N4BP2L2: variants seen among roughly 807,000 people sequenced by gnomAD.
N4BP2L2 encodes NEDD4 binding protein 2 like 2, also known as NEDD4-binding protein 2-like 2.
A neutral mutation model predicts 56.2 loss-of-function variants in N4BP2L2; 50 were observed. The ratio of observed to expected loss-of-function variants is 0.89; its 90% confidence interval spans 0.71 to 1.13. The LOEUF (loss-of-function observed/expected upper bound fraction) is 1.13, where lower values mean the gene tolerates loss of function less well. N4BP2L2 is among the 50% of genes most tolerant of loss of function. The probability of loss-of-function intolerance (pLI) is 0.00; values close to 1 mark genes in which losing one functional copy is unlikely to be tolerated. For missense variants in N4BP2L2, 689 were observed against 693.8 expected, an observed-to-expected ratio of 0.99 and a Z score of 0.08; for synonymous variants, 203 against 223.6, an observed-to-expected ratio of 0.91 and a Z score of 0.82.
chr13:32,527,492 T>C (rs745433183), exon 3 of N4BP2L2: 2 of 1,613,766 alleles, frequency 1.2e-6, no homozygotes, highest in East Asian at 2.2e-5. Flanking sequence ...TAGTCATCAG[T>C]GCTGAACACA....
chr13:32,492,962 G>A (rs1167737811), intron 6 of N4BP2L2, among the ~76,000 whole-genome samples: 6 of 123,762 alleles, frequency 4.8e-5, no homozygotes, highest in Admixed American at 3.0e-4. Flanking sequence ...TCACTCTGTC[G>A]CCCAGGATGC....
intron 6 of N4BP2L2, among the ~76,000 whole-genome samples, chr13:32,491,125 C>G (rs1415603035): frequency 2.0e-5 from 3 of 152,036 alleles, no homozygotes; most frequent in South Asian, 2.1e-4. Flanking sequence ...CAGAGAAAAT[C>G]CATAGTTCTG....
chr13:32,517,880 A>G (rs778017825), exon 6 of N4BP2L2: 2 of 1,614,090 alleles, frequency 1.2e-6, no homozygotes, highest in East Asian at 4.5e-5. Context: ...GTGGAGGAGG[A>G]GGTCTTTGTG....
intron 6 of N4BP2L2, among the ~76,000 whole-genome samples, chr13:32,488,947 C>T (rs891511807): frequency 1.3e-5 from 2 of 152,150 alleles, no homozygotes; most frequent in Non-Finnish European, 2.9e-5. Flanking sequence ...GTGGCACACA[C>T]CTGCAATCTC....
At chr13:32,439,854 TCCAAAAAAAA>T (rs1359916273) in intron 7 of N4BP2L2, among the ~76,000 whole-genome samples, 1 of 43,470 alleles carries the variant, frequency 2.3e-5, no homozygotes, top group Non-Finnish European at 6.5e-5. Context: ...CTATTAAGAA[TCCAAAAAAAA>T]AAAAAAAAAA....
chr13:32,526,790 A>C (rs1440795086), intron 3 of N4BP2L2: 1 of 135,962 alleles, frequency 7.4e-6, no homozygotes, highest in Non-Finnish European at 1.6e-5. Flanking sequence ...AAAATATCTA[A>C]GGCTGAGGCC....
intron 6 of N4BP2L2, among the ~76,000 whole-genome samples, chr13:32,482,530 G>C (rs76355937): frequency 7.7e-6 from 1 of 129,680 alleles, no homozygotes; most frequent in Non-Finnish European, 1.7e-5. Context: ...TTTTTTTTTT[G>C]TATTTTTGTA....
At chr13:32,517,919 C>A in exon 6 of N4BP2L2, 1 of 1,614,106 alleles carries the variant, frequency 6.2e-7, no homozygotes, top group South Asian at 1.1e-5. Context: ...CCACTGAATT[C>A]ATTACAATAG....
intron 6 of N4BP2L2, among the ~76,000 whole-genome samples, chr13:32,454,741 C>A (rs956886006): frequency 6.6e-6 from 1 of 152,146 alleles, no homozygotes; most frequent in African/African-American, 2.4e-5. Flanking sequence ...CTAGAGGCAT[C>A]CAGCACTCAC....
chr13:32,500,865 CT>C (rs368419149), intron 6 of N4BP2L2, among the ~76,000 whole-genome samples: 75 of 127,392 alleles, frequency 5.9e-4, no homozygotes, highest in African/African-American at 7.3e-4. Context: ...TTAGTCTTTT[CT>C]TTTTTTTTTT....
chr13:32,450,933 C>G (rs980603749), intron 6 of N4BP2L2, among the ~76,000 whole-genome samples: 1 of 134,038 alleles, frequency 7.5e-6, no homozygotes, highest in Non-Finnish European at 1.6e-5. Context: ...CCAGGCTGGT[C>G]TCGAACTCCT....
exon 6 of N4BP2L2, chr13:32,517,964 C>T (rs779994962): frequency 5.0e-6 from 8 of 1,613,804 alleles, no homozygotes; most frequent in Admixed American, 1.7e-5. Flanking sequence ...GATCCAACAT[C>T]TGAGCAATCT....
rs75811892 is a variant in N4BP2L2 at position 32,518,843 on chromosome 13, A to T, written c.1551-840T>A. ...TTAAGTTATATATTTATATTTATGT[A>T]CTTTTCTGTATGTGAGGTTATATGA... On this transcript the variant is annotated intron_variant, in intron 5 of 5. Transcript: ENST00000267068. Among the ~76,000 whole-genome samples, 1,109 of 152,250 alleles carry T rather than the reference A, an allele frequency of 7.3e-3. 16 individuals are homozygous for T. Among genetic ancestry groups the T allele is most frequent in the African/African-American group, 0.026 (1,076 of 41,522 alleles).
chr13:32,536,817 T>C (rs775601620), exon 2 of N4BP2L2: 4 of 1,614,052 alleles, frequency 2.5e-6, no homozygotes, highest in Non-Finnish European at 3.4e-6. Context: ...TTGATTTTGT[T>C]CTCCTGCAAA....
At chr13:32,491,893 G>C (rs1272292149) in intron 6 of N4BP2L2, among the ~76,000 whole-genome samples, 1 of 152,010 alleles carries the variant, frequency 6.6e-6, no homozygotes, top group Non-Finnish European at 1.5e-5. Context: ...GCGTCCCAAA[G>C]TGCTGGGATT....
chr13:32,536,879 G>C lies in N4BP2L2; in HGVS notation c.149C>G (p.Thr50Ser), dbSNP rs1037350068. The change falls in exon 2 of 6, where the codon ACT becomes AGT. Residue 50 changes from threonine (T) to serine (S), a missense_variant. Transcript: ENST00000267068. ...GGTCACAGGGACCCAATCATTTCCA[G>C]TTTTCTCTTGGATTCTGTGAAAATC... 1.9e-6 allele frequency: 3 copies of C among 1,613,648 alleles called. No homozygotes were observed. The African/African-American group carries it at 4.0e-5, about 22-fold the overall frequency.
intron 6 of N4BP2L2, among the ~76,000 whole-genome samples, chr13:32,466,174 A>C (rs933460506): frequency 6.6e-6 from 1 of 152,222 alleles, no homozygotes; most frequent in Non-Finnish European, 1.5e-5. Context: ...TAAGCAAATT[A>C]TACTATGTTC....
intron 6 of N4BP2L2, among the ~76,000 whole-genome samples, chr13:32,502,537 TA>T (rs1226386900): frequency 6.6e-6 from 1 of 152,194 alleles, no homozygotes; most frequent in Non-Finnish European, 1.5e-5. Context: ...AACTCTAAAA[TA>T]TTCATCTTGC....
Position 32,443,169 on chromosome 13 carries a change from CAT to C in N4BP2L2, c.1321_1322del (p.Met441GlyfsTer29). Reference sequence around the variant, plus strand: ...AGAGGTTTGTTTCTATGAATGAATCCATAGTTTCAGGTGGAGGTGAAAAATCT... The same window carrying C: ...AGAGGTTTGTTTCTATGAATGAATCCAGTTTCAGGTGGAGGTGAAAAATCT... On this transcript the variant is annotated frameshift_variant, in exon 7 of 10. Transcript: ENST00000357505. LOFTEE classifies it high-confidence loss of function. The C allele has an allele frequency of 1.9e-6, 3 of 1,613,832 alleles. No individual in the cohort carries two copies. Among genetic ancestry groups the C allele is most frequent in the South Asian group, 1.1e-5 (1 of 91,062 alleles).
Sources: allele counts gnomAD v4.1 joint callset (sites outside exome capture counted in the v4.1 genomes callset), GRCh38; gene constraint gnomAD v4.1.1; transcripts MANE v1.5; gene names NCBI Gene and HGNC (gene_info 2026-07-23, HGNC 2026-07-21).